Variants in ABAT observed in about 807,000 individuals in gnomAD.
ABAT encodes the protein 4-aminobutyrate aminotransferase, also known as 4-aminobutyrate aminotransferase, mitochondrial.
Under a neutral mutation model 64.6 loss-of-function variants are expected in ABAT, and 45 were observed. The ratio of observed to expected loss-of-function variants is 0.70; its 90% CI spans 0.55 to 0.89. The LOEUF (loss-of-function observed/expected upper bound fraction) is 0.89, where lower values mean the gene tolerates loss of function less well. ABAT is among the 40% of genes least tolerant of loss of function. The pLI is 0.00. For missense variants in ABAT, 633 were observed against 658.4 expected (o/e 0.96, Z 0.42); for synonymous variants, 297 against 250.5 (o/e 1.19, Z -1.75).
intron 1 of ABAT, among the ~76,000 whole-genome samples, chr16:8,684,111 C>T (rs73497640): frequency 0.026 from 4,005 of 152,114 alleles, 171 homozygotes; most frequent in African/African-American, 0.092. Context: ...AATACAGGTT[C>T]AAGCTCAAAG....
At chr16:8,754,663 TTTA>T (rs1228130038) in intron 5 of ABAT, among the ~76,000 whole-genome samples, 1,047 of 22,226 alleles carry the variant, frequency 0.047, 9 homozygotes, top group Middle Eastern at 0.12. Flanking sequence ...AGCAAGTTGA[TTTA>T]TTTATTTCTT....
At chr16:8,716,395 G>A (rs796143248) in intron 1 of ABAT, among the ~76,000 whole-genome samples, 12 of 152,250 alleles carry the variant, frequency 7.9e-5, no homozygotes, top group African/African-American at 2.9e-4. Flanking sequence ...CCTAAAGTAA[G>A]CGCTGAGCAA....
chr16:8,694,560 T>C (rs1333581774), intron 1 of ABAT, among the ~76,000 whole-genome samples: 1 of 151,922 alleles, frequency 6.6e-6, no homozygotes, highest in African/African-American at 2.4e-5. Context: ...TTATTTTTTG[T>C]AGAGATGGGG....
intron 3 of ABAT, among the ~76,000 whole-genome samples, chr16:8,747,782 C>A (rs75827318): frequency 6.6e-6 from 1 of 151,716 alleles, no homozygotes; most frequent in Admixed American, 6.6e-5. Flanking sequence ...ACCTTTTTTC[C>A]CCTAAATAAC....
At chr16:8,679,828 G>A (rs1641109) in intron 1 of ABAT, among the ~76,000 whole-genome samples, 12,408 of 152,064 alleles carry the variant, frequency 0.082, 642 homozygotes, top group Middle Eastern at 0.13. Context: ...TCTGCTGCAG[G>A]AGCTTTTAAC....
At chr16:8,694,364 A>G (rs1484749231) in intron 1 of ABAT, among the ~76,000 whole-genome samples, 1 of 149,950 alleles carries the variant, frequency 6.7e-6, no homozygotes, top group Non-Finnish European at 1.5e-5. Context: ...CTTTACATGC[A>G]TTCACCTTGC....
At position 8,727,283 on chromosome 16, in the gene ABAT, G is replaced by C. The variant is rs561715672; in HGVS notation, c.-41-8416G>C. 3.9e-5 allele frequency among the ~76,000 whole-genome samples: 6 copies of C among 152,188 alleles called. No individual in the cohort carries two copies. In the East Asian group the frequency reaches 1.2e-3, roughly 29 times the overall value. On this transcript the variant is annotated intron_variant, in intron 1 of 15. Transcript: ENST00000268251. The stretch of plus-strand genomic sequence containing the variant: ...AAGATCAGCCTAGAAATTGTTGCTC[G>C]AGTTGGCTCCAGATGACCGCACCTT...
chr16:8,744,970 G>T (rs1379366189), intron 2 of ABAT, among the ~76,000 whole-genome samples: 1 of 152,118 alleles, frequency 6.6e-6, no homozygotes, highest in Non-Finnish European at 1.5e-5. Flanking sequence ...TGCTGGACAT[G>T]TAGGTTGTTT....
chr16:8,686,356 C>G (rs1049407970), intron 1 of ABAT, among the ~76,000 whole-genome samples: 1 of 152,244 alleles, frequency 6.6e-6, no homozygotes, highest in African/African-American at 2.4e-5. Context: ...GAGCCACACA[C>G]AGAAGAGTGT....
intron 5 of ABAT, among the ~76,000 whole-genome samples, chr16:8,757,010 A>T (rs2059667253): frequency 1.3e-5 from 2 of 152,124 alleles, no homozygotes; most frequent in South Asian, 4.2e-4. Context: ...TGGCATCACT[A>T]CTCGCTCAGT....
intron 1 of ABAT, chr16:8,713,807 C>T (rs1457915749): frequency 4.4e-6 from 2 of 454,882 alleles, no homozygotes; most frequent in African/African-American, 4.0e-5. Flanking sequence ...GAATGGCATA[C>T]AGAAGGCATT....
chr16:8,751,889 A>G (rs2059496980), intron 5 of ABAT, among the ~76,000 whole-genome samples: 1 of 152,254 alleles, frequency 6.6e-6, no homozygotes. Flanking sequence ...TAAATTGGAA[A>G]TGCAGGTAGC....
intron 1 of ABAT, among the ~76,000 whole-genome samples, chr16:8,700,861 C>A (rs1441686367): frequency 6.6e-6 from 1 of 151,930 alleles, no homozygotes; most frequent in African/African-American, 2.4e-5. Flanking sequence ...CTGCCTCAGC[C>A]TCCCAAAGTG....
chr16:8,710,217 G>A (rs2058037366), intron 1 of ABAT, among the ~76,000 whole-genome samples: 1 of 152,176 alleles, frequency 6.6e-6, no homozygotes, highest in African/African-American at 2.4e-5. Flanking sequence ...AAAGTACTTA[G>A]CTCAGTCCTA....
At chr16:8,688,223 G>T (rs1174125820) in intron 1 of ABAT, among the ~76,000 whole-genome samples, 1 of 152,078 alleles carries the variant, frequency 6.6e-6, no homozygotes, top group Non-Finnish European at 1.5e-5. Flanking sequence ...ACAAGACACT[G>T]GGTAACACTG....
At chr16:8,699,816 CTCTT>C (rs1490225786) in intron 1 of ABAT, among the ~76,000 whole-genome samples, 3 of 150,282 alleles carry the variant, frequency 2.0e-5, no homozygotes, top group Non-Finnish European at 4.4e-5. Flanking sequence ...TCTCTTCTCT[CTCTT>C]TCTCTTTCCC....
At chr16:8,691,305 A>C (rs1200286765) in intron 1 of ABAT, among the ~76,000 whole-genome samples, 3 of 152,226 alleles carry the variant, frequency 2.0e-5, no homozygotes, top group African/African-American at 7.2e-5. Flanking sequence ...CTCAGAAACC[A>C]AGTGAGGGAG....
At chr16:8,758,209 A>G (rs1255087041) in intron 6 of ABAT, among the ~76,000 whole-genome samples, 1 of 152,202 alleles carries the variant, frequency 6.6e-6, no homozygotes, top group African/African-American at 2.4e-5. Flanking sequence ...CATTTTTCAG[A>G]TGCAGAAACT....
intron 6 of ABAT, among the ~76,000 whole-genome samples, chr16:8,761,197 T>G: frequency 8.6e-6 from 1 of 116,238 alleles, no homozygotes; most frequent in African/African-American, 2.9e-5. Flanking sequence ...TATCCCCCCA[T>G]CACCTTTCAC....
Sources: allele counts gnomAD v4.1 joint callset (sites outside exome capture counted in the v4.1 genomes callset), GRCh38; gene constraint gnomAD v4.1.1; transcripts MANE v1.5; gene names NCBI Gene and HGNC (gene_info 2026-07-23, HGNC 2026-07-21).